HOOK1: variants seen among roughly 807,000 people sequenced by gnomAD.
HOOK1 encodes the protein hook microtubule tethering protein 1.
In HOOK1, 60 loss-of-function variants were observed where a neutral mutation model predicts 112.8. The observed-to-expected ratio is 0.53, with a 90% CI of 0.43 to 0.66. HOOK1 has a LOEUF of 0.66. HOOK1 is among the 30% of genes least tolerant of loss of function. HOOK1 has a pLI of 0.00. For missense variants in HOOK1, 770 were observed against 856.0 expected (o/e 0.90, Z 1.25); for synonymous variants, 294 against 283.8 (o/e 1.04, Z -0.36).
chr1:59,817,166 C>T (rs2098382211), intron 1 of HOOK1, among the ~76,000 whole-genome samples: 2 of 152,244 alleles, frequency 1.3e-5, no homozygotes, highest in South Asian at 2.1e-4. Flanking sequence ...AAGTATTCCC[C>T]TTTTTTAACA....
At chr1:59,816,032 T>C (rs1262093031) in intron 1 of HOOK1, among the ~76,000 whole-genome samples, 1 of 152,136 alleles carries the variant, frequency 6.6e-6, no homozygotes. Context: ...TTAACCCATA[T>C]TGAGTAAAGA....
intron 14 of HOOK1, 129 bp downstream of exon 14, chr1:59,859,174 A>G: frequency 2.9e-6 from 1 of 339,278 alleles, no homozygotes; most frequent in Non-Finnish European, 5.4e-6. Context: ...TGATCTACTT[A>G]AACTTTCTAA....
intron 8 of HOOK1, among the ~76,000 whole-genome samples, chr1:59,840,983 G>C (rs556119253): frequency 6.6e-6 from 1 of 152,236 alleles, no homozygotes; most frequent in East Asian, 1.9e-4. Flanking sequence ...ATTACTAGCT[G>C]GTTATATGCT....
At position 59,863,788 on chromosome 1, in the gene HOOK1, ATTTTCTT is replaced by A. The variant is rs2098414836; in HGVS notation, c.1627-839_1627-833del. On this transcript the variant is annotated intron_variant, in intron 16 of 21. Transcript: ENST00000371208. ...TTCTGTCTTTTATGTGCTTTATATT[ATTTTCTT>A]TTTTTTTTCCCTGGGGGCTTGGAAA... The A allele has an allele frequency of 4.0e-6, 3 of 751,068 alleles. No individual in the cohort carries two copies. The South Asian group carries it at 2.0e-4, about 51-fold the overall frequency. 46.5% of individuals were successfully genotyped at this position (751,068 alleles called of 1,614,324 possible). A position where few individuals can be genotyped will look rare whatever the true frequency, so the allele number is the denominator to read the frequency against.
intron 17 of HOOK1, 36 bp from the exon 18 acceptor site, chr1:59,865,127 G>A (rs1307976409): frequency 2.4e-6 from 3 of 1,272,330 alleles, no homozygotes; most frequent in Admixed American, 1.7e-5. Flanking sequence ...ATGTTATATG[G>A]CAGAGACCAG....
chr1:59,850,943 A>G (rs935951390), intron 12 of HOOK1, among the ~76,000 whole-genome samples: 2 of 151,594 alleles, frequency 1.3e-5, no homozygotes, highest in Non-Finnish European at 3.0e-5. Flanking sequence ...ACCTCCATTA[A>G]TAATTAAAAA....
At position 59,872,784 on chromosome 1, in the gene HOOK1, T is replaced by G; in HGVS notation, c.2017-11T>G. On this transcript the variant is annotated splice_polypyrimidine_tract_variant and intron_variant, in intron 21 of 21. Transcript: ENST00000371208. ...CATGTTAAATAAAAAATATATGTTT[T>G]TTTTTTTCAGAGTCTAGCATTCCAG... 7.2e-7 allele frequency: 1 copy of G among 1,391,006 alleles called. No homozygotes were observed. Among genetic ancestry groups the G allele is most frequent in the Non-Finnish European group, 9.4e-7 (1 of 1,060,246 alleles). The allele number at this position is 1,391,006 out of a possible 1,614,324, so 86.2% of individuals were successfully genotyped here. A position where few individuals can be genotyped will look rare whatever the true frequency, so the allele number is the denominator to read the frequency against.
At chr1:59,848,760 T>G (rs2098405536) in intron 11 of HOOK1, among the ~76,000 whole-genome samples, 2 of 151,518 alleles carry the variant, frequency 1.3e-5, no homozygotes, top group Admixed American at 1.3e-4. Flanking sequence ...TTATTGTTTA[T>G]TAGCATTTCT....
intron 12 of HOOK1, among the ~76,000 whole-genome samples, chr1:59,849,408 T>C (rs760401681): frequency 3.0e-4 from 45 of 151,554 alleles, no homozygotes; most frequent in Non-Finnish European, 5.6e-4. Context: ...TAAGTCTCAA[T>C]GAATATTTTC....
At chr1:59,862,231 G>A (rs1194528804) in intron 15 of HOOK1, among the ~76,000 whole-genome samples, 1 of 152,104 alleles carries the variant, frequency 6.6e-6, no homozygotes, top group Non-Finnish European at 1.5e-5. Flanking sequence ...TAGAGGGAGA[G>A]GGAGATACTA....
intron 12 of HOOK1, among the ~76,000 whole-genome samples, chr1:59,851,561 A>G (rs2098407161): frequency 6.6e-6 from 1 of 151,530 alleles, no homozygotes. Flanking sequence ...GTTTTTTGGT[A>G]AGTTTCTCAG....
chr1:59,848,219 T>A, intron 10 of HOOK1, 96 bp from the exon 11 acceptor site: 1 of 880,456 alleles, frequency 1.1e-6, no homozygotes, highest in Non-Finnish European at 1.7e-6. Context: ...CTTTTTTCTT[T>A]TTTGTGATAG....
At chr1:59,815,486 ATCC>A in intron 1 of HOOK1, 1 of 414,748 alleles carries the variant, frequency 2.4e-6, no homozygotes, top group Non-Finnish European at 4.3e-6. Flanking sequence ...CCAAGCACCC[ATCC>A]TCTTTTCTCC....
At chr1:59,844,065 A>T (rs2098402395) in intron 9 of HOOK1, among the ~76,000 whole-genome samples, 1 of 152,030 alleles carries the variant, frequency 6.6e-6, no homozygotes, top group South Asian at 2.1e-4. Context: ...TCAGCCATGA[A>T]CTATAAGACC....
Position 59,848,488 on chromosome 1 carries a change from G to C in HOOK1, c.1103G>C (p.Arg368Pro). 1 of 1,608,744 alleles carries C rather than the reference G, an allele frequency of 6.2e-7. No homozygotes were observed. The highest frequency in any genetic ancestry group is 2.2e-5 in the East Asian group (1 of 44,724). ...EEELKKANAARTQLETYKRQV... is the reference protein window; with the variant it reads ...EEELKKANAAPTQLETYKRQV... ...GAATTAAAAAAAGCAAATGCAGCAC[G>C]TACACAATTAGAAACATACAAAAGG... Residue 368 changes from arginine to proline, a missense_variant, in exon 11 of 22, where the codon CGT (arginine) becomes CCT (proline). This residue lies in a region of HOOK1 where 655 missense variants were observed against 725.9 expected (regional missense o/e 0.90). Coordinates refer to ENST00000371208, the MANE Select transcript of HOOK1 (RefSeq NM_015888.6).
chr1:59,872,697 A>G (rs984079375), intron 21 of HOOK1, 98 bp from the exon 22 acceptor site: 6 of 689,598 alleles, frequency 8.7e-6, no homozygotes, highest in Non-Finnish European at 1.3e-5. Flanking sequence ...CCTTAGCTTT[A>G]TAGGTTGGTT....
intron 12 of HOOK1, among the ~76,000 whole-genome samples, chr1:59,858,150 A>G (rs2098411661): frequency 6.6e-6 from 1 of 152,210 alleles, no homozygotes; most frequent in African/African-American, 2.4e-5. Flanking sequence ...TATGCCTCCA[A>G]AGTCCATGCT....
At chr1:59,843,625 A>T (rs1195311138) in intron 9 of HOOK1, 27 bp downstream of exon 9, 1 of 1,571,242 alleles carries the variant, frequency 6.4e-7, no homozygotes, top group Non-Finnish European at 8.7e-7. Flanking sequence ...AAATCATTTT[A>T]TGGAGTTCTG....
chr1:59,820,245 G>T (rs1447653726), intron 1 of HOOK1, among the ~76,000 whole-genome samples: 1 of 152,206 alleles, frequency 6.6e-6, no homozygotes, highest in Non-Finnish European at 1.5e-5. Flanking sequence ...GCTAACAGCT[G>T]TTGAGCTTAT....
Sources: allele counts gnomAD v4.1 joint callset (sites outside exome capture counted in the v4.1 genomes callset), GRCh38; gene constraint gnomAD v4.1.1; regional missense constraint gnomAD v4.1.1; transcripts MANE v1.5; gene names NCBI Gene and HGNC (gene_info 2026-07-23, HGNC 2026-07-21).